KIF23: variants seen among roughly 807,000 people sequenced by gnomAD.
KIF23 encodes the protein kinesin-like protein KIF23.
KIF23 carries 30 observed loss-of-function variants against 137.5 expected under a neutral mutation model. The observed-to-expected ratio is 0.22, with a 90% CI of 0.16 to 0.30. The LOEUF is 0.30. Among genes scored for constraint, KIF23 ranks in the 10% least tolerant of loss-of-function variants. KIF23 has a pLI of 1.00. For synonymous variants in KIF23, 367 were observed against 391.1 expected (o/e 0.94, Z 0.73); for missense variants, 920 against 1,194.3 (o/e 0.77, Z 3.38).
intron 5 of KIF23, 61 bp downstream of exon 5, chr15:69,422,189 T>G: frequency 7.7e-6 from 12 of 1,567,252 alleles, no homozygotes; most frequent in Non-Finnish European, 1.0e-5. Context: ...ATGGATACAG[T>G]AGTAGTAAAG....
intron 20 of KIF23, among the ~76,000 whole-genome samples, chr15:69,445,590 G>A (rs1275187217): frequency 6.6e-6 from 1 of 151,232 alleles, no homozygotes; most frequent in Non-Finnish European, 1.5e-5. Context: ...TCAATTTAGA[G>A]TTTTTGTTCT....
intron 16 of KIF23, among the ~76,000 whole-genome samples, chr15:69,439,467 C>T (rs537515402): frequency 6.6e-6 from 1 of 152,188 alleles, no homozygotes; most frequent in African/African-American, 2.4e-5. Flanking sequence ...TAATCTCTTA[C>T]AATGGGGTAG....
chr15:69,416,599 G>C (rs2056915238), intron 2 of KIF23, among the ~76,000 whole-genome samples: 1 of 152,180 alleles, frequency 6.6e-6, no homozygotes, highest in Non-Finnish European at 1.5e-5. Flanking sequence ...TGAGTTAAGG[G>C]AACCGGGTGC....
chr15:69,425,140 A>G (rs1460743706), intron 7 of KIF23, 142 bp from the exon 8 acceptor site: 1 of 623,516 alleles, frequency 1.6e-6, no homozygotes, highest in South Asian at 2.2e-5. Context: ...AACTTTTAGT[A>G]CTTTTAATAC....
chr15:69,415,876 C>T, intron 1 of KIF23, 118 bp from the exon 2 acceptor site: 1 of 690,516 alleles, frequency 1.4e-6, no homozygotes, highest in East Asian at 3.2e-5. Context: ...CAGTGTTTTG[C>T]AACTGCTAAG....
At chr15:69,439,669 A>G (rs1239943210) in intron 16 of KIF23, among the ~76,000 whole-genome samples, 1 of 152,214 alleles carries the variant, frequency 6.6e-6, no homozygotes, top group Non-Finnish European at 1.5e-5. Context: ...TTTAGGAGAA[A>G]GTAATTTTCA....
chr15:69,421,688 C>G lies in KIF23; in HGVS notation c.252C>G (p.Thr84=). 6.2e-7 allele frequency: 1 copy of G among 1,613,662 alleles called. No homozygotes were observed. The highest frequency in any genetic ancestry group is 8.5e-7 in the Non-Finnish European group (1 of 1,179,714). The change falls in exon 4 of 24, where the codon ACC becomes ACG. Residue 84 remains threonine (T), a synonymous_variant. Coordinates refer to ENST00000679126, the MANE Select transcript of KIF23 (RefSeq NM_001367805.3). Reference sequence around the variant, plus strand: ...AACAAGTATTTGGCACTCACACCACCCAGAAGGAACTCTTTGATGTTGTGG... The same window carrying G: ...AACAAGTATTTGGCACTCACACCACGCAGAAGGAACTCTTTGATGTTGTGG... ...SFKQVFGTHT[T]QKELFDVVAN...
chr15:69,445,892 G>T, intron 20 of KIF23, 117 bp from the exon 21 acceptor site: 5 of 770,918 alleles, frequency 6.5e-6, no homozygotes, highest in Non-Finnish European at 1.1e-5. Flanking sequence ...AGTACCATCT[G>T]ATTTTGTGGA....
chr15:69,421,613 A>C, intron 3 of KIF23, 34 bp from the exon 4 acceptor site: 2 of 1,282,852 alleles, frequency 1.6e-6, no homozygotes, highest in South Asian at 1.2e-5. Flanking sequence ...TAATAGTGGA[A>C]TTCTATTTAG....
chr15:69,439,032 A>G (rs914312079), intron 16 of KIF23, among the ~76,000 whole-genome samples: 1 of 151,412 alleles, frequency 6.6e-6, no homozygotes. Flanking sequence ...TGGGAGGTTG[A>G]GGCTGCAGTG....
chr15:69,428,699 T>A (rs2057274543), intron 10 of KIF23, among the ~76,000 whole-genome samples: 1 of 151,016 alleles, frequency 6.6e-6, no homozygotes, highest in African/African-American at 2.4e-5. Flanking sequence ...AAGAATTATT[T>A]ATAGCATTAT....
intron 19 of KIF23, among the ~76,000 whole-genome samples, chr15:69,441,992 A>G (rs1421762971): frequency 1.3e-5 from 2 of 151,174 alleles, no homozygotes; most frequent in Admixed American, 1.3e-4. Flanking sequence ...GAACTCTTGA[A>G]CTCCAGCAAT....
intron 19 of KIF23, among the ~76,000 whole-genome samples, chr15:69,443,077 A>G (rs754080282): frequency 2.4e-4 from 37 of 152,314 alleles, no homozygotes; most frequent in Non-Finnish European, 3.5e-4. Flanking sequence ...CGTGTTCAAC[A>G]TTAAATAAAT....
chr15:69,426,547 G>A (rs1033842560), intron 10 of KIF23, 90 bp downstream of exon 10: 1 of 1,430,274 alleles, frequency 7.0e-7, no homozygotes, highest in Non-Finnish European at 9.6e-7. Context: ...GCAAAAACCT[G>A]TCTCGAGTAA....
intron 10 of KIF23, 135 bp downstream of exon 10, chr15:69,426,592 A>G (rs534250438): frequency 4.2e-4 from 352 of 847,744 alleles, no homozygotes; most frequent in Non-Finnish European, 5.5e-4. Flanking sequence ...GTGATGCACC[A>G]CTCCTGTAAT....
In KIF23 at chr15:69,426,376, T is replaced by G. The variant is rs1567063496; in HGVS notation, c.930T>G (p.Arg310=). ...KRRIANTHLN[R]ESSRSHSVFN... is the part of the protein sequence containing the mutation. ...GTATTGCTAATACCCATTTGAATCG[T>G]GAGTCCAGCCGTTCCCATAGCGTGT... The change falls in exon 10 of 24, where the codon CGT becomes CGG. Residue 310 remains arginine, a synonymous_variant. Coordinates refer to ENST00000679126, the MANE Select transcript of KIF23 (RefSeq NM_001367805.3). The G allele has an allele frequency of 1.9e-6, 3 of 1,614,172 alleles. No individual in the cohort carries two copies. The highest frequency in any genetic ancestry group is 1.6e-4 in the Middle Eastern group (1 of 6,062).
chr15:69,427,019 T>C lies in KIF23; in HGVS notation c.1011+562T>C, dbSNP rs180692411. Among the ~76,000 whole-genome samples, 756 of 152,090 alleles carry C rather than the reference T, an allele frequency of 5.0e-3. 8 individuals carry two copies. Among genetic ancestry groups the C allele is most frequent in the African/African-American group, 0.018 (734 of 41,498 alleles). On this transcript the variant is annotated intron_variant, in intron 10 of 23. Coordinates refer to ENST00000679126, the MANE Select transcript of KIF23 (RefSeq NM_001367805.3). ...GAGGGCTGGGTGCGTGCGTGGCTCA[T>C]GCCTGTAATCCCAGTGCTTTGGGAG...
intron 11 of KIF23, chr15:69,434,444 G>T: frequency 2.2e-6 from 1 of 463,502 alleles, no homozygotes; most frequent in South Asian, 3.2e-5. Context: ...CCTTCTCCCT[G>T]AAACTTGTTA....
At chr15:69,442,029 T>C (rs2057633406) in intron 19 of KIF23, among the ~76,000 whole-genome samples, 1 of 152,182 alleles carries the variant, frequency 6.6e-6, no homozygotes. Context: ...CCAAAGGTGC[T>C]GAGATTACAG....
Sources: allele counts gnomAD v4.1 joint callset (sites outside exome capture counted in the v4.1 genomes callset), GRCh38; gene constraint gnomAD v4.1.1; transcripts MANE v1.5; gene names NCBI Gene and HGNC (gene_info 2026-07-23, HGNC 2026-07-21).